The following MAGI1 variants were observed in gnomAD, a reference collection of about 807,000 sequenced individuals.
MAGI1 encodes the protein membrane associated guanylate kinase, WW and PDZ domain containing 1, also known as membrane-associated guanylate kinase, WW and PDZ domain-containing protein 1.
Under a neutral mutation model 139.9 loss-of-function variants are expected in MAGI1, and 58 were observed. That is an observed-to-expected ratio of 0.41 (90% confidence interval 0.34 to 0.52). The LOEUF is 0.52. Among genes scored for constraint, MAGI1 ranks in the 20% least tolerant of loss-of-function variants. The pLI is 0.12. For missense variants in MAGI1, 1,874 were observed against 1,901.6 expected (o/e 0.99, Z 0.27); for synonymous variants, 812 against 737.9 (o/e 1.10, Z -1.63).
chr3:65,782,498 G>A (rs2039010281), intron 1 of MAGI1, among the ~76,000 whole-genome samples: 1 of 150,738 alleles, frequency 6.6e-6, no homozygotes, highest in Non-Finnish European at 1.5e-5. Flanking sequence ...GTGAAAAAGT[G>A]TTACAGCAGC....
At chr3:65,753,729 A>G (rs1270547692) in intron 1 of MAGI1, among the ~76,000 whole-genome samples, 1 of 151,416 alleles carries the variant, frequency 6.6e-6, no homozygotes, top group Non-Finnish European at 1.5e-5. Context: ...ATCTGTACCC[A>G]TGTTATGTAG....
At chr3:65,465,977 C>T (rs1950144150) in intron 5 of MAGI1, among the ~76,000 whole-genome samples, 1 of 152,042 alleles carries the variant, frequency 6.6e-6, no homozygotes, top group Non-Finnish European at 1.5e-5. Context: ...TTTTCAGGTC[C>T]ACTGATTCTC....
chr3:65,713,725 G>C (rs1198642871), intron 1 of MAGI1, among the ~76,000 whole-genome samples: 1 of 152,156 alleles, frequency 6.6e-6, no homozygotes, highest in Non-Finnish European at 1.5e-5. Flanking sequence ...TAAGTATTTT[G>C]TGTGTGCCTA....
At chr3:65,547,420 A>T (rs2079555802) in intron 2 of MAGI1, among the ~76,000 whole-genome samples, 1 of 152,212 alleles carries the variant, frequency 6.6e-6, no homozygotes, top group Admixed American at 6.5e-5. Flanking sequence ...CCAGAGTATA[A>T]CATATCACGT....
chr3:65,770,290 T>G (rs995110119), intron 1 of MAGI1, among the ~76,000 whole-genome samples: 1 of 152,284 alleles, frequency 6.6e-6, no homozygotes, highest in Admixed American at 6.5e-5. Context: ...TTCCCACTTT[T>G]TTCATCAAAA....
intron 2 of MAGI1, among the ~76,000 whole-genome samples, chr3:65,501,503 T>C (rs1282669593): frequency 1.7e-5 from 2 of 116,268 alleles, no homozygotes; most frequent in Non-Finnish European, 3.8e-5. Flanking sequence ...AAAAAGTAAA[T>C]ACTTAGCCAC....
intron 1 of MAGI1, among the ~76,000 whole-genome samples, chr3:65,955,241 G>A (rs1372446420): frequency 2.0e-5 from 3 of 152,164 alleles, no homozygotes; most frequent in Non-Finnish European, 4.4e-5. Context: ...TGTGGTGGCT[G>A]ACGCCTGTAA....
rs892349592 is a variant in MAGI1, at chr3:65,849,782, G to A, written c.313+188214C>T. Among the ~76,000 whole-genome samples, 8 of 152,112 alleles carry A rather than the reference G, an allele frequency of 5.3e-5. No homozygotes were observed. The East Asian group carries it at 1.4e-3, about 26-fold the overall frequency. ...CTGTGTATTTTTCATCACATCTAAC[G>A]AAGGAAGAACATTAACTGAGCTAAA... is the stretch of plus-strand genomic sequence containing the variant. On this transcript the variant is annotated intron_variant, in intron 1 of 22. Coordinates refer to ENST00000402939, the MANE Select transcript of MAGI1 (RefSeq NM_001033057.2).
chr3:65,459,123 T>A (rs1949601812), intron 5 of MAGI1, among the ~76,000 whole-genome samples: 1 of 152,158 alleles, frequency 6.6e-6, no homozygotes, highest in Admixed American at 6.5e-5. Context: ...GATGTATGGA[T>A]TTGTTTCTGG....
chr3:65,639,650 C>A (rs2084869006), intron 1 of MAGI1, among the ~76,000 whole-genome samples: 1 of 152,022 alleles, frequency 6.6e-6, no homozygotes, highest in Admixed American at 6.6e-5. Context: ...TGGGTGGGCC[C>A]CATCCAATCA....
chr3:65,614,290 C>A (rs546849333), intron 2 of MAGI1, among the ~76,000 whole-genome samples: 1 of 152,104 alleles, frequency 6.6e-6, no homozygotes, highest in Non-Finnish European at 1.5e-5. Flanking sequence ...CCATTACATA[C>A]GCCATTGTGC....
At position 65,482,766 on chromosome 3, in the gene MAGI1, T is replaced by C. The variant is rs565098598; in HGVS notation, c.551-3968A>G. Among the ~76,000 whole-genome samples, 11 of 152,326 alleles carry C rather than the reference T, an allele frequency of 7.2e-5. No homozygotes were observed. In the South Asian group the frequency reaches 1.2e-3, roughly 17 times the overall value. On this transcript the variant is annotated intron_variant, in intron 3 of 22. Coordinates refer to ENST00000402939, the MANE Select transcript of MAGI1 (RefSeq NM_001033057.2). The stretch of plus-strand genomic sequence containing the variant: ...TCATACGCCACTGTTTCAAAATAAT[T>C]TGGATTAGTGACCAACATTTAAAAT...
At chr3:65,505,608 C>G (rs1243741922) in intron 2 of MAGI1, among the ~76,000 whole-genome samples, 5 of 150,288 alleles carry the variant, frequency 3.3e-5, no homozygotes, top group Non-Finnish European at 7.4e-5. Flanking sequence ...GATCGTGCCA[C>G]TGCACTCCAG....
chr3:65,567,428 C>G (rs993284619), intron 2 of MAGI1, among the ~76,000 whole-genome samples: 1 of 151,986 alleles, frequency 6.6e-6, no homozygotes. Flanking sequence ...ATAGCTCTAA[C>G]AGAAGGACAA....
intron 2 of MAGI1, among the ~76,000 whole-genome samples, chr3:65,540,351 G>A (rs2079152896): frequency 6.6e-6 from 1 of 151,880 alleles, no homozygotes; most frequent in Non-Finnish European, 1.5e-5. Flanking sequence ...ATCACTTCCT[G>A]GCATTTTATA....
chr3:65,847,445 T>C lies in MAGI1; in HGVS notation c.313+190551A>G, dbSNP rs539416179. Among the ~76,000 whole-genome samples, 11 of 152,294 alleles carry C rather than the reference T, an allele frequency of 7.2e-5. No homozygotes were observed. The South Asian group carries it at 2.1e-3, about 29-fold the overall frequency. On this transcript the variant is annotated intron_variant, in intron 1 of 22. Transcript: ENST00000402939. ...AATTAAGATCTGGACAGCATTCTTG[T>C]TGTCAAAGTGATCCACGGAAGAAAT... is the stretch of plus-strand genomic sequence containing the variant.
chr3:65,897,802 G>A (rs182977474), intron 1 of MAGI1, among the ~76,000 whole-genome samples: 2 of 151,340 alleles, frequency 1.3e-5, no homozygotes, highest in Admixed American at 6.6e-5. Flanking sequence ...GGTTGAGGCC[G>A]AAGTGAGCTA....
At chr3:65,605,425 G>T (rs549983977) in intron 2 of MAGI1, among the ~76,000 whole-genome samples, 17 of 152,172 alleles carry the variant, frequency 1.1e-4, no homozygotes, top group Admixed American at 3.9e-4. Flanking sequence ...ATAAAGGGGG[G>T]AGAAATTATA....
intron 1 of MAGI1, among the ~76,000 whole-genome samples, chr3:65,902,103 T>C (rs1401492383): frequency 6.6e-6 from 1 of 152,164 alleles, no homozygotes; most frequent in Non-Finnish European, 1.5e-5. Context: ...AATATAGCAA[T>C]AGTAGGGAAT....
Sources: allele counts gnomAD v4.1 joint callset (sites outside exome capture counted in the v4.1 genomes callset), GRCh38; gene constraint gnomAD v4.1.1; transcripts MANE v1.5; gene names NCBI Gene and HGNC (gene_info 2026-07-23, HGNC 2026-07-21).